The following STEAP1 variants were observed in gnomAD, a reference collection of about 807,000 sequenced individuals.
STEAP1 encodes STEAP1 protein.
In STEAP1, 30 loss-of-function variants were observed where a neutral mutation model predicts 34.4. The observed-to-expected ratio is 0.87, with a 90% CI of 0.65 to 1.18. STEAP1 has a LOEUF of 1.18. Ranked by LOEUF, STEAP1 falls within the 50% of genes most tolerant of loss-of-function variation. The pLI is 0.00. For synonymous variants in STEAP1, 116 were observed against 135.3 expected, an observed-to-expected ratio of 0.86 and a Z score of 0.99; for missense variants, 318 against 391.1, an observed-to-expected ratio of 0.81 and a Z score of 1.58.
rs1053478936 is a variant in STEAP1 at position 90,164,632 on chromosome 7, C to T, written c.918C>T (p.Ser306=). ...FLPIVVLIFK[S]ILFLPCLRKK... ...CAATTGTTGTCCTGATATTTAAAAG[C>T]ATACTATTCCTGCCATGCTTGAGGA... The change falls in exon 5 of 5, where the codon AGC becomes AGT. Residue 306 remains serine, a synonymous_variant. Coordinates refer to ENST00000297205, the MANE Select transcript of STEAP1 (RefSeq NM_012449.3). 1 of 1,613,784 alleles carries T rather than the reference C, an allele frequency of 6.2e-7. No homozygotes were observed. The highest frequency in any genetic ancestry group is 1.1e-5 in the South Asian group (1 of 91,066).
intron 1 of STEAP1, among the ~76,000 whole-genome samples, chr7:90,156,705 C>A (rs1357500787): frequency 6.6e-6 from 1 of 152,182 alleles, no homozygotes; most frequent in African/African-American, 2.4e-5. Context: ...AAACCCTATC[C>A]CCCTTCCCCT....
intron 4 of STEAP1, 107 bp downstream of exon 4, chr7:90,162,185 C>T: frequency 7.0e-7 from 1 of 1,429,602 alleles, no homozygotes; most frequent in Non-Finnish European, 9.2e-7. Context: ...TTTTCAACAG[C>T]AAAGATCTTA....
chr7:90,156,894 A>G (rs968858724), intron 1 of STEAP1, among the ~76,000 whole-genome samples: 1 of 152,214 alleles, frequency 6.6e-6, no homozygotes, highest in African/African-American at 2.4e-5. Context: ...CCATGAGCCA[A>G]TTAAATCTCC....
chr7:90,159,683 T>A, intron 1 of STEAP1, 75 bp from the exon 2 acceptor site: 1 of 818,598 alleles, frequency 1.2e-6, no homozygotes, highest in East Asian at 3.4e-5. Context: ...AGTAAGTAAA[T>A]TTTTTATATT....
intron 4 of STEAP1, 168 bp downstream of exon 4, chr7:90,162,246 T>C: frequency 9.8e-7 from 1 of 1,016,526 alleles, no homozygotes. Context: ...CTATTGCTTC[T>C]AATTAGGACA....
At position 90,161,238 on chromosome 7, in the gene STEAP1, T is replaced by C. The variant is rs1794182556; in HGVS notation, c.518T>C (p.Val173Ala). The change falls in exon 3 of 5, where the codon GTA becomes GCA. Residue 173 changes from valine (V) to alanine (A), a missense_variant. Val to Ala is a moderately conservative substitution (Grantham distance 64, BLOSUM62 0). Coordinates refer to ENST00000297205, the MANE Select transcript of STEAP1 (RefSeq NM_012449.3). ...QFGLLSFFFA[V>A]LHAIYSLSYP... ...GGGCTTCTCAGTTTCTTTTTTGCTG[T>C]ACTGCATGCAATTTATAGTCTGTCT... The C allele has an allele frequency of 1.2e-6, 2 of 1,614,050 alleles. No individual in the cohort carries two copies. The highest frequency in any genetic ancestry group is 2.7e-5 in the African/African-American group (2 of 74,928).
At chr7:90,154,834 A>G (rs558017654) in intron 1 of STEAP1, among the ~76,000 whole-genome samples, 2 of 152,350 alleles carry the variant, frequency 1.3e-5, no homozygotes, top group East Asian at 3.9e-4. Context: ...GTGGTAGATT[A>G]TTAAGTTTGT....
intron 4 of STEAP1, 95 bp downstream of exon 4, chr7:90,162,173 G>A (rs1794194980): frequency 6.9e-7 from 1 of 1,444,742 alleles, no homozygotes; most frequent in Non-Finnish European, 9.1e-7. Flanking sequence ...AATAACAAAT[G>A]TTTTTCAACA....
At chr7:90,163,699 C>T (rs1281073534) in intron 4 of STEAP1, among the ~76,000 whole-genome samples, 5 of 152,064 alleles carry the variant, frequency 3.3e-5, no homozygotes, top group Non-Finnish European at 7.4e-5. Flanking sequence ...GGTCAGAAGT[C>T]GTATAAAAGA....
In STEAP1 at chr7:90,161,126, G is replaced by A. The variant is rs755948533; in HGVS notation, c.406G>A (p.Ala136Thr). The A allele has an allele frequency of 3.1e-6, 5 of 1,613,842 alleles. No individual in the cohort carries two copies. ...LALVYLPGVI[A>T]AIVQLHNGTK... ...ATTGGTTTACCTGCCAGGTGTGATA[G>A]CAGCAATTGTCCAACTTCATAATGG... Residue 136 changes from alanine to threonine, a missense_variant, in exon 3 of 5, where the codon GCA becomes ACA. Coordinates refer to ENST00000297205, the MANE Select transcript of STEAP1 (RefSeq NM_012449.3).
intron 4 of STEAP1, among the ~76,000 whole-genome samples, chr7:90,163,993 G>A (rs1412429175): frequency 6.6e-6 from 1 of 152,172 alleles, no homozygotes; most frequent in Non-Finnish European, 1.5e-5. Context: ...GATCACTGAA[G>A]TCAAATTGAT....
intron 1 of STEAP1, among the ~76,000 whole-genome samples, chr7:90,157,875 C>T (rs1305508928): frequency 1.3e-5 from 2 of 152,078 alleles, no homozygotes; most frequent in African/African-American, 2.4e-5. Context: ...CATTGTAAGG[C>T]GGGATTTCAT....
intron 3 of STEAP1, among the ~76,000 whole-genome samples, chr7:90,161,527 A>G (rs1794186753): frequency 6.6e-6 from 1 of 152,172 alleles, no homozygotes; most frequent in African/African-American, 2.4e-5. Context: ...AAAATAAGGT[A>G]CAACTTTAGC....
chr7:90,164,631 G>C lies in STEAP1; in HGVS notation c.917G>C (p.Ser306Thr), dbSNP rs775195318. ...CCAATTGTTGTCCTGATATTTAAAA[G>C]CATACTATTCCTGCCATGCTTGAGG... The part of the protein sequence containing the change: ...FLPIVVLIFK[S>T]ILFLPCLRKK... Residue 306 changes from serine to threonine, a missense_variant, in exon 5 of 5, where the codon AGC becomes ACC. Ser to Thr is a moderately conservative substitution (Grantham distance 58). Coordinates refer to ENST00000297205, the MANE Select transcript of STEAP1 (RefSeq NM_012449.3). 6.2e-7 allele frequency: 1 copy of C among 1,613,756 alleles called. No homozygotes were observed. The highest frequency in any genetic ancestry group is 1.1e-5 in the South Asian group (1 of 91,058).
In STEAP1 at chr7:90,159,775, AT is replaced by A; in HGVS notation, c.-10del. 1 of 1,513,110 alleles carries A rather than the reference AT, an allele frequency of 6.6e-7. No individual in the cohort carries two copies. The highest frequency in any genetic ancestry group is 1.4e-5 in the South Asian group (1 of 72,318). 93.7% of individuals were successfully genotyped at this position (1,513,110 alleles called of 1,614,324 possible). On this transcript the variant is annotated 5_prime_UTR_variant, in exon 2 of 5. Transcript: ENST00000297205. ...TTTTACAGGTGGCTGAAGCCATACTATTTTATAGAATTAATGGAAAGCAGAA... is the reference window on the plus strand; with the variant it reads ...TTTTACAGGTGGCTGAAGCCATACTATTTATAGAATTAATGGAAAGCAGAA...
rs181771320 is a variant in STEAP1, at chr7:90,158,258, C to G, written c.-31-1500C>G. ...ACTTTATAAACACTGTACACTAAGGCTACCCTACATTTATTGAAAAATTTT... is the reference window on the plus strand; with the variant it reads ...ACTTTATAAACACTGTACACTAAGGGTACCCTACATTTATTGAAAAATTTT... On this transcript the variant is annotated intron_variant, in intron 1 of 4. Transcript: ENST00000297205. 5.0e-3 allele frequency among the ~76,000 whole-genome samples: 759 copies of G among 152,140 alleles called. 6 individuals are homozygous for G. Among genetic ancestry groups the G allele is most frequent in the African/African-American group, 0.017 (724 of 41,516 alleles).
In STEAP1 at chr7:90,160,830, T is replaced by G. The variant is rs371063299; in HGVS notation, c.110T>G (p.Met37Arg). Residue 37 changes from methionine to arginine, a missense_variant, in exon 3 of 5, where the codon ATG becomes AGG. By Grantham distance (91) the Met-to-Arg change is moderately conservative. Transcript: ENST00000297205. The stretch of plus-strand genomic sequence containing the variant: ...CATAAGGACACGGGAGAGACCAGCA[T>G]GCTAAAAAGACCTGTGCTTTTGCAT... Reference protein sequence around the residue: ...YLHKDTGETSMLKRPVLLHLH... With the variant: ...YLHKDTGETSRLKRPVLLHLH... The G allele has an allele frequency of 2.5e-6, 4 of 1,613,840 alleles. No homozygotes were observed. In the African/African-American group the frequency reaches 5.3e-5, roughly 22 times the overall value.
chr7:90,164,180 A>G (rs554065285), intron 4 of STEAP1, among the ~76,000 whole-genome samples: 81 of 152,304 alleles, frequency 5.3e-4, no homozygotes, highest in African/African-American at 1.9e-3. Context: ...AATAAATATC[A>G]TAAGGGGATG....
rs1794094027 is a variant in STEAP1, at chr7:90,154,563, C to G, written c.-32+20C>G. 1 of 153,384 alleles carries G rather than the reference C, an allele frequency of 6.5e-6. No homozygotes were observed. The highest frequency in any genetic ancestry group is 1.5e-5 in the Non-Finnish European group (1 of 68,306). 9.5% of individuals were successfully genotyped at this position (153,384 alleles called of 1,614,324 possible). On this transcript the variant is annotated intron_variant, in intron 1 of 4. Transcript: ENST00000297205. ...GAGTGGGTGAGTCCCTTGAATCGTTCTCACTGGCCGTTTGCTCCTCGAGTC... is the reference window on the plus strand; with the variant it reads ...GAGTGGGTGAGTCCCTTGAATCGTTGTCACTGGCCGTTTGCTCCTCGAGTC...
Sources: allele counts gnomAD v4.1 joint callset (sites outside exome capture counted in the v4.1 genomes callset), GRCh38; gene constraint gnomAD v4.1.1; transcripts MANE v1.5; gene names NCBI Gene and HGNC (gene_info 2026-07-23, HGNC 2026-07-21).